Variants in CACNA1C observed in about 807,000 individuals in gnomAD.
CACNA1C encodes voltage-dependent L-type calcium channel subunit alpha-1C.
CACNA1C carries 30 observed loss-of-function variants against 229.0 expected under a neutral mutation model. That is an observed-to-expected ratio of 0.13 (90% CI 0.10 to 0.18). The LOEUF is 0.18. CACNA1C is among the 10% of genes least tolerant of loss of function. CACNA1C has a pLI of 1.00. For missense variants in CACNA1C, 1,658 were observed against 2,845.0 expected (o/e 0.58, Z 9.49); for synonymous variants, 1,114 against 1,132.5 (o/e 0.98, Z 0.33).
intron 9 of CACNA1C, among the ~76,000 whole-genome samples, chr12:2,520,940 G>A (rs1247809600): frequency 6.6e-6 from 1 of 152,260 alleles, no homozygotes; most frequent in East Asian, 1.9e-4. Context: ...TAGCTTCCTG[G>A]GCCTGGCATT....
chr12:2,216,913 A>G (rs2060122902), intron 3 of CACNA1C, among the ~76,000 whole-genome samples: 1 of 152,252 alleles, frequency 6.6e-6, no homozygotes, highest in African/African-American at 2.4e-5. Context: ...AGTATACTCC[A>G]GGATTTAAAA....
At chr12:2,420,780 G>A (rs934526311) in intron 3 of CACNA1C, among the ~76,000 whole-genome samples, 4 of 152,268 alleles carry the variant, frequency 2.6e-5, no homozygotes, top group African/African-American at 4.8e-5. Context: ...CTGGCTCTGC[G>A]CCTTGCATTG....
rs140956967 is a variant in CACNA1C, at chr12:2,124,527, G to A, written c.477+4097G>A. 1.3e-5 allele frequency among the ~76,000 whole-genome samples: 2 copies of A among 152,342 alleles called. 1 individual carries two copies. Among genetic ancestry groups the A allele is most frequent in the African/African-American group, 4.8e-5 (2 of 41,572 alleles). ...TGCAAACTGTTGGACTTAACTGCAG[G>A]TGAGGAGGAGGCTCGAAGGCTTTAA... On this transcript the variant is annotated intron_variant, in intron 3 of 46. Coordinates refer to ENST00000399655, the MANE Select transcript of CACNA1C (RefSeq NM_000719.7).
At chr12:2,043,241 C>T (rs760095373) in intron 1 of CACNA1C, among the ~76,000 whole-genome samples, 1 of 152,230 alleles carries the variant, frequency 6.6e-6, no homozygotes, top group African/African-American at 2.4e-5. Context: ...ATGGTTCACA[C>T]ACATGCGGTT....
At chr12:2,341,310 C>A (rs1445140589) in intron 3 of CACNA1C, among the ~76,000 whole-genome samples, 2 of 152,176 alleles carry the variant, frequency 1.3e-5, no homozygotes, top group African/African-American at 4.8e-5. Flanking sequence ...GAGCTTGGCA[C>A]TTGGTCATTG....
At chr12:2,162,663 C>A (rs1264616162) in intron 3 of CACNA1C, among the ~76,000 whole-genome samples, 1 of 151,846 alleles carries the variant, frequency 6.6e-6, no homozygotes, top group Non-Finnish European at 1.5e-5. Flanking sequence ...AACAGTAGGC[C>A]TGGGGGAGAA....
At chr12:1,976,797 A>G (rs2034504953) in intron 1 of CACNA1C, among the ~76,000 whole-genome samples, 3 of 151,730 alleles carry the variant, frequency 2.0e-5, no homozygotes. Context: ...GACCCTCTAA[A>G]ACAATGTCTG....
intron 7 of CACNA1C, among the ~76,000 whole-genome samples, chr12:2,500,109 T>C (rs2099755828): frequency 6.6e-6 from 1 of 152,130 alleles, no homozygotes; most frequent in Non-Finnish European, 1.5e-5. Context: ...GCCTCGTCCG[T>C]CTCCATCTCT....
chr12:2,274,585 G>T (rs932777433), intron 3 of CACNA1C, among the ~76,000 whole-genome samples: 3 of 152,170 alleles, frequency 2.0e-5, no homozygotes, highest in African/African-American at 7.2e-5. Flanking sequence ...CGACGTGCAC[G>T]GTTTCTAATT....
chr12:2,384,806 G>C (rs1467144285), intron 3 of CACNA1C, among the ~76,000 whole-genome samples: 1 of 152,214 alleles, frequency 6.6e-6, no homozygotes. Flanking sequence ...GGCCTTTGGA[G>C]AAATTCCTTT....
At chr12:2,469,843 C>G (rs1033524661) in intron 5 of CACNA1C, among the ~76,000 whole-genome samples, 1 of 152,064 alleles carries the variant, frequency 6.6e-6, no homozygotes, top group Non-Finnish European at 1.5e-5. Flanking sequence ...TATGTTTTCC[C>G]CAGAAATTGT....
At chr12:1,984,194 T>G (rs1258700454) in intron 1 of CACNA1C, among the ~76,000 whole-genome samples, 1 of 152,088 alleles carries the variant, frequency 6.6e-6, no homozygotes, top group East Asian at 1.9e-4. Flanking sequence ...GGCAATCTCT[T>G]TTAATCACTA....
chr12:2,662,028 G>T (rs998936194), intron 34 of CACNA1C, among the ~76,000 whole-genome samples: 2 of 152,164 alleles, frequency 1.3e-5, no homozygotes, highest in Admixed American at 6.5e-5. Flanking sequence ...GGATCACGAG[G>T]TCAGGAGATC....
intron 1 of CACNA1C, among the ~76,000 whole-genome samples, chr12:2,094,620 G>A (rs578115197): frequency 2.4e-4 from 37 of 152,208 alleles, no homozygotes; most frequent in Non-Finnish European, 4.9e-4. Context: ...TGAGGTGACT[G>A]AAGCACAGAG....
In CACNA1C at chr12:2,649,222, G is replaced by T. The variant is rs773075245; in HGVS notation, c.3945+715G>T. Among the ~76,000 whole-genome samples the T allele has an allele frequency of 3.3e-5, 5 of 152,204 alleles. No homozygotes were observed. Among genetic ancestry groups the T allele is most frequent in the Non-Finnish European group, 7.3e-5 (5 of 68,036 alleles). On this transcript the variant is annotated intron_variant, in intron 31 of 46. Transcript: ENST00000399655. The surrounding 1 kb of genome is among the most constrained non-coding windows in gnomAD (Gnocchi z 4.4). The stretch of plus-strand genomic sequence containing the variant: ...GTCTCTGATTCGCGTTGGTTGAAGT[G>T]ATAAAAGAGACGCCATTCAGTGTGA...
chr12:2,293,303 GT>G (rs2093692629), intron 3 of CACNA1C, among the ~76,000 whole-genome samples: 1 of 152,170 alleles, frequency 6.6e-6, no homozygotes, highest in Non-Finnish European at 1.5e-5. Context: ...CTTTTTGCCT[GT>G]TCACAATAAG....
chr12:2,001,295 G>C (rs941780421), intron 1 of CACNA1C, among the ~76,000 whole-genome samples: 1 of 152,046 alleles, frequency 6.6e-6, no homozygotes, highest in African/African-American at 2.4e-5. Context: ...ATGTTCCTTA[G>C]ATCCTTTAAG....
chr12:2,367,549 A>G (rs988254036), intron 3 of CACNA1C, among the ~76,000 whole-genome samples: 5 of 152,232 alleles, frequency 3.3e-5, no homozygotes, highest in African/African-American at 4.8e-5. Context: ...TTAAAACAGA[A>G]AATGTATCCA....
At chr12:2,627,606 T>G (rs942460982) in intron 29 of CACNA1C, among the ~76,000 whole-genome samples, 6 of 152,080 alleles carry the variant, frequency 3.9e-5, no homozygotes, top group African/African-American at 1.2e-4. Context: ...CTCCAGTGCT[T>G]GCTCACTCAA....
Sources: gnomAD v4.1 joint callset for allele counts (sites outside exome capture counted in the v4.1 genomes callset) on GRCh38, gnomAD v4.1.1 for gene constraint, Gnocchi (gnomAD v3.1) non-coding constraint, MANE v1.5 for transcripts, NCBI Gene and HGNC (gene_info 2026-07-23, HGNC 2026-07-21) for gene names.